The following COBL variants were observed in gnomAD, a reference collection of about 807,000 sequenced individuals.
COBL encodes the protein protein cordon-bleu.
A neutral mutation model predicts 98.8 loss-of-function variants in COBL; 51 were observed. The ratio of observed to expected loss-of-function variants is 0.52; its 90% CI spans 0.41 to 0.65. COBL has a LOEUF of 0.65. Ranked by LOEUF, COBL falls within the 30% of genes least tolerant of loss-of-function variation. The probability of loss-of-function intolerance (pLI) is 0.00; values close to 1 mark genes in which losing one functional copy is unlikely to be tolerated. For missense variants in COBL, 1,617 were observed against 1,617.5 expected (o/e 1.00, Z 0.01); for synonymous variants, 634 against 651.7 (o/e 0.97, Z 0.41).
chr7:51,293,549 A>G (rs969447155), intron 1 of COBL, among the ~76,000 whole-genome samples: 2 of 152,230 alleles, frequency 1.3e-5, no homozygotes, highest in African/African-American at 4.8e-5. Context: ...AATGGATTGC[A>G]AAGAAGCACA....
At chr7:51,252,004 C>A (rs1796767652) in intron 1 of COBL, among the ~76,000 whole-genome samples, 1 of 152,166 alleles carries the variant, frequency 6.6e-6, no homozygotes, top group Non-Finnish European at 1.5e-5. Flanking sequence ...TTTATCACAG[C>A]TAAGAAAATA....
chr7:51,160,020 G>C (rs1002574234), intron 5 of COBL, among the ~76,000 whole-genome samples: 2 of 152,170 alleles, frequency 1.3e-5, no homozygotes, highest in Non-Finnish European at 2.9e-5. Flanking sequence ...AGCCTCCTGA[G>C]TAGCTGGGAC....
At chr7:51,053,971 A>G (rs188694481) in intron 7 of COBL, among the ~76,000 whole-genome samples, 8 of 152,390 alleles carry the variant, frequency 5.2e-5, no homozygotes, top group African/African-American at 1.9e-4. Context: ...ACTTGAGGTC[A>G]GGATTTCGAG....
intron 1 of COBL, among the ~76,000 whole-genome samples, chr7:51,289,707 C>G (rs1800709101): frequency 6.6e-6 from 1 of 152,258 alleles, no homozygotes; most frequent in Admixed American, 6.5e-5. Flanking sequence ...TGGAAGTGAA[C>G]AGCAGTGATC....
chr7:51,207,554 C>A (rs1028447960), intron 2 of COBL, among the ~76,000 whole-genome samples: 4 of 152,070 alleles, frequency 2.6e-5, no homozygotes, highest in Non-Finnish European at 5.9e-5. Context: ...CTCAGCCTGC[C>A]GAGTGCCTGC....
At chr7:51,240,448 G>A (rs577528528) in intron 1 of COBL, among the ~76,000 whole-genome samples, 1 of 152,224 alleles carries the variant, frequency 6.6e-6, no homozygotes, top group South Asian at 2.1e-4. Flanking sequence ...CAGCCACAGC[G>A]TGGCCATGGA....
At chr7:51,288,780 TTTTAGA>T (rs1246051789) in intron 1 of COBL, among the ~76,000 whole-genome samples, 10,582 of 147,558 alleles carry the variant, frequency 0.072, 564 homozygotes, top group East Asian at 0.28. Context: ...TAAATAATAA[TTTTAGA>T]AAATACAAAT....
intron 12 of COBL, among the ~76,000 whole-genome samples, chr7:51,019,172 A>G (rs1461784621): frequency 6.6e-6 from 1 of 151,474 alleles, no homozygotes; most frequent in African/African-American, 2.4e-5. Context: ...GTGTGCTCCC[A>G]AATTCACATG....
intron 5 of COBL, among the ~76,000 whole-genome samples, chr7:51,146,064 A>T (rs943109031): frequency 6.6e-6 from 1 of 152,136 alleles, no homozygotes; most frequent in Non-Finnish European, 1.5e-5. Context: ...TCAGCCATCA[A>T]TATTTTTACT....
intron 1 of COBL, among the ~76,000 whole-genome samples, chr7:51,246,373 C>G (rs1053720438): frequency 6.6e-6 from 1 of 152,158 alleles, no homozygotes; most frequent in African/African-American, 2.4e-5. Context: ...TTGTTGTCAG[C>G]AGGACACATG....
At chr7:51,042,135 T>A (rs1216684995) in intron 8 of COBL, among the ~76,000 whole-genome samples, 1 of 152,136 alleles carries the variant, frequency 6.6e-6, no homozygotes, top group African/African-American at 2.4e-5. Context: ...ATTCAGACTA[T>A]CTTTAGTCTT....
chr7:51,108,525 G>A (rs891560853), intron 6 of COBL, among the ~76,000 whole-genome samples: 1 of 152,278 alleles, frequency 6.6e-6, no homozygotes, highest in South Asian at 2.1e-4. Flanking sequence ...TATTGAAGTC[G>A]CTGGCAAACA....
At position 51,025,367 on chromosome 7, in the gene COBL, T is replaced by C. The variant is rs1787447050; in HGVS notation, c.3510A>G (p.Ala1170=). The change falls in exon 12 of 13, where the codon GCA becomes GCG. Residue 1170 remains alanine, a synonymous_variant. Coordinates refer to ENST00000265136, the MANE Select transcript of COBL (RefSeq NM_015198.5). ...HSGTCSLRKV[A]SSASEELQSF... ...TCTGGAGCTCCTCAGAAGCAGAGGATGCCACCTGGCAATGAGATGATTAAA... is the reference window on the plus strand; with the variant it reads ...TCTGGAGCTCCTCAGAAGCAGAGGACGCCACCTGGCAATGAGATGATTAAA... 6.2e-7 allele frequency: 1 copy of C among 1,613,124 alleles called. No individual in the cohort carries two copies. Among genetic ancestry groups the C allele is most frequent in the Non-Finnish European group, 8.5e-7 (1 of 1,180,016 alleles).
intron 6 of COBL, among the ~76,000 whole-genome samples, chr7:51,121,176 C>T (rs1453008594): frequency 3.9e-5 from 6 of 152,182 alleles, no homozygotes; most frequent in Non-Finnish European, 5.9e-5. Context: ...TCCCCGCCAA[C>T]GCATCTTTTC....
chr7:51,200,334 C>T (rs1425374028), intron 2 of COBL, among the ~76,000 whole-genome samples: 2 of 152,146 alleles, frequency 1.3e-5, no homozygotes, highest in East Asian at 1.9e-4. Flanking sequence ...AAGGTAAACA[C>T]AGAATATTGT....
intron 1 of COBL, among the ~76,000 whole-genome samples, chr7:51,301,290 A>G (rs1801940429): frequency 6.6e-6 from 1 of 152,166 alleles, no homozygotes. Flanking sequence ...TAATACGCCA[A>G]AGAAAAGTAA....
rs1021572138 is a variant in COBL at position 51,030,840 on chromosome 7, G to A, written c.1476C>T (p.Thr492=). The part of the protein sequence containing the change: ...DLLIAGEFRK[T]LAELDEDLEE... Reference sequence around the variant, plus strand: ...CCAGGTCTTCATCAAGTTCTGCAAGGGTTTTACGGAACTCTCCAGCAATTA... The same window carrying A: ...CCAGGTCTTCATCAAGTTCTGCAAGAGTTTTACGGAACTCTCCAGCAATTA... Residue 492 remains threonine (T), a synonymous_variant, in exon 9 of 13, where the codon ACC becomes ACT. Coordinates refer to ENST00000265136, the MANE Select transcript of COBL (RefSeq NM_015198.5). 9 of 1,612,012 alleles carry A rather than the reference G, an allele frequency of 5.6e-6. No individual in the cohort carries two copies. The highest frequency in any genetic ancestry group is 4.5e-5 in the East Asian group (2 of 44,810).
intron 5 of COBL, chr7:51,172,426 G>C (rs536756256): frequency 6.4e-6 from 8 of 1,258,816 alleles, no homozygotes; most frequent in Non-Finnish European, 8.3e-6. Context: ...AGCAATTAGC[G>C]GAAGCACCTG....
At chr7:51,101,902 C>A (rs1302771441) in intron 6 of COBL, among the ~76,000 whole-genome samples, 9 of 152,038 alleles carry the variant, frequency 5.9e-5, no homozygotes, top group Admixed American at 5.9e-4. Context: ...GTGTGGAAAT[C>A]CTAACCTCCA....
Sources: gnomAD v4.1 joint callset for allele counts (sites outside exome capture counted in the v4.1 genomes callset) on GRCh38, gnomAD v4.1.1 for gene constraint, MANE v1.5 for transcripts, NCBI Gene and HGNC (gene_info 2026-07-23, HGNC 2026-07-21) for gene names.